Variants in DGCR2 observed in about 807,000 individuals in gnomAD.
The protein encoded by DGCR2 is DiGeorge syndrome critical region gene 2.
In DGCR2, 24 loss-of-function variants were observed where a neutral mutation model predicts 51.6. The ratio of observed to expected loss-of-function variants is 0.47; its 90% CI spans 0.34 to 0.65. The LOEUF is 0.65. Among genes scored for constraint, DGCR2 ranks in the 30% least tolerant of loss-of-function variants. The pLI, the probability that DGCR2 is intolerant of heterozygous loss-of-function variation, is 0.01. For synonymous variants in DGCR2, 340 were observed against 315.4 expected, an observed-to-expected ratio of 1.08 and a Z score of -0.82; for missense variants, 765 against 772.1, an observed-to-expected ratio of 0.99 and a Z score of 0.11.
rs1360022806 is a variant in DGCR2 at position 19,122,278 on chromosome 22, G to A, written c.-72C>T. ...GCCGGACTGAGGGTCAGGGGACCGT[G>A]CCAAGCGGAGGGTCAGGCGGAGCTG... On this transcript the variant is annotated 5_prime_UTR_variant, in exon 1 of 10. Transcript: ENST00000263196. The A allele has an allele frequency of 1.6e-5, 20 of 1,288,534 alleles. No individual in the cohort carries two copies. Among genetic ancestry groups the A allele is most frequent in the Non-Finnish European group, 2.0e-5 (19 of 961,076 alleles). 79.8% of individuals were successfully genotyped at this position (1,288,534 alleles called of 1,614,324 possible). A position where few individuals can be genotyped will look rare whatever the true frequency, so the allele number is the denominator to read the frequency against.
intron 8 of DGCR2, 34 bp from the exon 9 acceptor site, chr22:19,041,328 A>G: frequency 6.2e-7 from 1 of 1,601,838 alleles, no homozygotes; most frequent in Non-Finnish European, 8.5e-7. Context: ...GGGAACAGAG[A>G]CAAGTCACTG....
At chr22:19,122,070 G>A in intron 1 of DGCR2, 58 bp downstream of exon 1, 1 of 1,323,526 alleles carries the variant, frequency 7.6e-7, no homozygotes, top group Non-Finnish European at 9.8e-7. Flanking sequence ...GAGGTCCCGG[G>A]GCGACCCCGG....
intron 1 of DGCR2, among the ~76,000 whole-genome samples, chr22:19,092,364 A>T (rs1447379488): frequency 6.6e-6 from 1 of 151,972 alleles, no homozygotes; most frequent in Non-Finnish European, 1.5e-5. Flanking sequence ...AAATACTACT[A>T]TCAGAAGAGA....
At chr22:19,087,389 C>T (rs1330163654) in intron 2 of DGCR2, among the ~76,000 whole-genome samples, 1 of 152,114 alleles carries the variant, frequency 6.6e-6, no homozygotes, top group African/African-American at 2.4e-5. Context: ...CTCTAAACAG[C>T]ATTCTTTTCT....
intron 1 of DGCR2, among the ~76,000 whole-genome samples, chr22:19,091,780 A>G (rs1200604163): frequency 1.3e-5 from 2 of 151,278 alleles, no homozygotes; most frequent in African/African-American, 2.4e-5. Context: ...GTGAATACTA[A>G]AATACAAAAA....
chr22:19,094,672 T>C (rs760815252), intron 1 of DGCR2, among the ~76,000 whole-genome samples: 1 of 152,232 alleles, frequency 6.6e-6, no homozygotes, highest in Non-Finnish European at 1.5e-5. Flanking sequence ...TGAAAGCATA[T>C]GTCCACACAA....
chr22:19,055,180 T>TTA lies in DGCR2; in HGVS notation c.802+1804_802+1805dup, dbSNP rs200593345. Among the ~76,000 whole-genome samples, 695 of 151,844 alleles carry TTA rather than the reference T, an allele frequency of 4.6e-3. 3 individuals are homozygous for TTA. Among genetic ancestry groups the TTA allele is most frequent in the Middle Eastern group, 6.9e-3 (2 of 290 alleles). On this transcript the variant is annotated intron_variant, in intron 6 of 9. Transcript: ENST00000263196. ...AAACCAAATCCACCAATATAATATA[T>TTA]TATATATATATAAACCATGAGGATG...
intron 2 of DGCR2, among the ~76,000 whole-genome samples, chr22:19,083,084 C>G (rs2145999116): frequency 7.6e-6 from 1 of 131,276 alleles, no homozygotes; most frequent in African/African-American, 2.7e-5. Flanking sequence ...CAGACCTTGT[C>G]TCAAAAAAAA....
At position 19,065,061 on chromosome 22, in the gene DGCR2, A is replaced by G. The variant is rs2082732987; in HGVS notation, c.335T>C (p.Leu112Pro). 3.1e-6 allele frequency: 5 copies of G among 1,613,776 alleles called. No homozygotes were observed. The East Asian group carries it at 8.9e-5, about 29-fold the overall frequency. Residue 112 changes from leucine (L) to proline (P), a missense_variant, in exon 4 of 10, where the codon CTA (leucine) becomes CCA (proline). Physicochemically the swap from Leu to Pro is moderately conservative, Grantham distance 98. This residue lies in a region of DGCR2 where 370 missense variants were observed against 325.5 expected (regional missense o/e 1.14). Coordinates refer to ENST00000263196, the MANE Select transcript of DGCR2 (RefSeq NM_005137.3). ...VAQPVRFSSFLGKCPTGWHHY... is the reference protein window; with the variant it reads ...VAQPVRFSSFPGKCPTGWHHY... Reference sequence around the variant, plus strand: ...GTGCCACCCTGTCGGGCACTTCCCTAGGAAACATAAAGGACAGAAGGGGAG... The same window carrying G: ...GTGCCACCCTGTCGGGCACTTCCCTGGGAAACATAAAGGACAGAAGGGGAG...
intron 6 of DGCR2, among the ~76,000 whole-genome samples, chr22:19,050,331 A>C (rs1423644931): frequency 2.6e-5 from 4 of 152,258 alleles, no homozygotes; most frequent in African/African-American, 4.8e-5. Flanking sequence ...ATAACTGCTC[A>C]CAGAAAACCA....
chr22:19,094,007 T>TAA (rs200593112), intron 1 of DGCR2, among the ~76,000 whole-genome samples: 6 of 146,144 alleles, frequency 4.1e-5, no homozygotes, highest in Admixed American at 2.0e-4. Flanking sequence ...TCCCCAACTC[T>TAA]AAAAAAAAAT....
At chr22:19,093,600 CAGAG>C (rs542687812) in intron 1 of DGCR2, among the ~76,000 whole-genome samples, 44 of 152,192 alleles carry the variant, frequency 2.9e-4, no homozygotes, top group Admixed American at 2.8e-3. Context: ...AAACCACACA[CAGAG>C]AGAAAACATT....
chr22:19,109,620 G>A (rs995171828), intron 1 of DGCR2, among the ~76,000 whole-genome samples: 1 of 152,126 alleles, frequency 6.6e-6, no homozygotes, highest in African/African-American at 2.4e-5. Flanking sequence ...GCTGGAGAGA[G>A]AGATAAAAGG....
intron 2 of DGCR2, among the ~76,000 whole-genome samples, chr22:19,087,978 C>T (rs2083036722): frequency 6.6e-6 from 1 of 152,178 alleles, no homozygotes. Context: ...GCCTTCGCAC[C>T]CTGCCTAAAC....
At chr22:19,073,223 T>G (rs1174446967) in intron 2 of DGCR2, among the ~76,000 whole-genome samples, 1 of 152,116 alleles carries the variant, frequency 6.6e-6, no homozygotes, top group Non-Finnish European at 1.5e-5. Flanking sequence ...ATGACCACAC[T>G]AGTGCACTCC....
chr22:19,075,605 C>A (rs1196315181), intron 2 of DGCR2, among the ~76,000 whole-genome samples: 1 of 152,226 alleles, frequency 6.6e-6, no homozygotes, highest in African/African-American at 2.4e-5. Context: ...CTCCTCCCAG[C>A]CCCTGGCAAC....
chr22:19,044,725 T>C (rs971861219), intron 7 of DGCR2, among the ~76,000 whole-genome samples: 7 of 152,278 alleles, frequency 4.6e-5, no homozygotes, highest in African/African-American at 1.4e-4. Flanking sequence ...GTTTCCCTAA[T>C]GGCCAATACT....
chr22:19,092,031 G>C (rs1435267594), intron 1 of DGCR2, among the ~76,000 whole-genome samples: 1 of 151,706 alleles, frequency 6.6e-6, no homozygotes, highest in Non-Finnish European at 1.5e-5. Flanking sequence ...TAGACAGTCT[G>C]ATCAGCAAAA....
At chr22:19,084,670 GGGGT>G (rs2082989505) in intron 2 of DGCR2, among the ~76,000 whole-genome samples, 1 of 112,292 alleles carries the variant, frequency 8.9e-6, no homozygotes, top group Non-Finnish European at 2.1e-5. Context: ...GAGGGAGGTG[GGGGT>G]CAGCCCCCGC....
Sources: gnomAD v4.1 joint callset for allele counts (sites outside exome capture counted in the v4.1 genomes callset) on GRCh38, gnomAD v4.1.1 for gene constraint, gnomAD v4.1.1 regional missense constraint, MANE v1.5 for transcripts, NCBI Gene and HGNC (gene_info 2026-07-23, HGNC 2026-07-21) for gene names.